The following NTAQ1 variants were observed in gnomAD, a reference collection of about 807,000 sequenced individuals.
NTAQ1 encodes N-terminal glutamine amidase 1.
NTAQ1 carries 21 observed loss-of-function variants against 28.2 expected under a neutral mutation model. The observed-to-expected ratio is 0.74, with a 90% confidence interval of 0.53 to 1.07. The LOEUF (loss-of-function observed/expected upper bound fraction) is 1.07. NTAQ1 is among the 50% of genes least tolerant of loss of function. The probability of loss-of-function intolerance (pLI) is 0.00; values close to 1 mark genes in which losing one functional copy is unlikely to be tolerated. For synonymous variants in NTAQ1, 105 were observed against 90.0 expected (o/e 1.17, Z -0.94); for missense variants, 264 against 256.6 (o/e 1.03, Z -0.20).
intron 1 of NTAQ1, among the ~76,000 whole-genome samples, chr8:123,421,922 C>T (rs977402958): frequency 1.1e-4 from 17 of 151,900 alleles, no homozygotes; most frequent in Non-Finnish European, 1.8e-4. Flanking sequence ...CCTCGTGATC[C>T]GCCTGCCTCG....
Position 123,416,898 on chromosome 8 carries a change from C to T in NTAQ1, c.49C>T (p.Pro17Ser). The change falls in exon 1 of 6, where the codon CCG becomes TCG. Residue 17 changes from proline to serine, a missense_variant. By Grantham distance (74) the Pro-to-Ser change is moderately conservative. Coordinates refer to ENST00000287387, the MANE Select transcript of NTAQ1 (RefSeq NM_018024.3). ...AAVHYQPASP[P>S]RDACVYSSCY... ...TGTCCACTACCAGCCGGCCAGCCCC[C>T]CGCGGGACGCCTGCGTCTACAGCAG... The T allele has an allele frequency of 6.6e-7, 1 of 1,526,430 alleles. No homozygotes were observed. The highest frequency in any genetic ancestry group is 8.8e-7 in the Non-Finnish European group (1 of 1,137,772). The allele number at this position is 1,526,430 out of a possible 1,614,324, so 94.6% of individuals were successfully genotyped here. A position where few individuals can be genotyped will look rare whatever the true frequency, so the allele number is the denominator to read the frequency against.
chr8:123,455,704 C>A (rs1401147168), intron 6 of NTAQ1, among the ~76,000 whole-genome samples: 1 of 152,138 alleles, frequency 6.6e-6, no homozygotes, highest in East Asian at 1.9e-4. Flanking sequence ...AGATTACAGG[C>A]ATGAGCCACC....
rs550795689 is a variant in NTAQ1, at chr8:123,432,365, C to T, written c.234+2332C>T. Among the ~76,000 whole-genome samples the T allele has an allele frequency of 5.9e-5, 9 of 152,158 alleles. No homozygotes were observed. The East Asian group carries it at 7.7e-4, about 13-fold the overall frequency. Reference sequence around the variant, plus strand: ...ATTCCTATAATAATTTCAGGTTGGGCGTGGTGGCTCACACCTGTAATCCCA... The same window carrying T: ...ATTCCTATAATAATTTCAGGTTGGGTGTGGTGGCTCACACCTGTAATCCCA... On this transcript the variant is annotated intron_variant, in intron 3 of 5. Coordinates refer to ENST00000287387, the MANE Select transcript of NTAQ1 (RefSeq NM_018024.3).
chr8:123,432,719 G>A (rs183899259), intron 3 of NTAQ1, among the ~76,000 whole-genome samples: 2,803 of 148,008 alleles, frequency 0.019, 96 homozygotes, highest in African/African-American at 0.066. Flanking sequence ...TCACTCTGTC[G>A]CCTAGGCTGG....
chr8:123,429,959 T>C (rs373015447), intron 2 of NTAQ1, 24 bp from the exon 3 acceptor site: 1 of 1,578,924 alleles, frequency 6.3e-7, no homozygotes, highest in African/African-American at 1.4e-5. Flanking sequence ...AGGTATGGCT[T>C]ACGAAATGTA....
downstream of NTAQ1, among the ~76,000 whole-genome samples, chr8:123,450,081 A>C (rs1815445514): frequency 6.7e-6 from 1 of 149,742 alleles, no homozygotes; most frequent in Non-Finnish European, 1.5e-5. Context: ...CCTCTATGAT[A>C]TCATTGAGAG....
chr8:123,465,306 A>C (rs919496163), intron 6 of NTAQ1, among the ~76,000 whole-genome samples: 2 of 152,152 alleles, frequency 1.3e-5, no homozygotes, highest in Non-Finnish European at 2.9e-5. Flanking sequence ...TTGTGTGTGC[A>C]TGTGTATAAA....
chr8:123,424,855 G>T (rs978001982), intron 1 of NTAQ1, among the ~76,000 whole-genome samples: 2 of 152,124 alleles, frequency 1.3e-5, no homozygotes, highest in Non-Finnish European at 2.9e-5. Context: ...GCCAGTTATG[G>T]ATTTGTATGT....
At chr8:123,454,815 G>A (rs764249319) in intron 6 of NTAQ1, among the ~76,000 whole-genome samples, 60 of 152,282 alleles carry the variant, frequency 3.9e-4, no homozygotes, top group Non-Finnish European at 7.4e-4. Flanking sequence ...TGGGGACCAC[G>A]GTAAGATCAG....
intron 5 of NTAQ1, chr8:123,438,266 G>A (rs1203416085): frequency 1.0e-5 from 7 of 689,400 alleles, no homozygotes; most frequent in East Asian, 8.1e-5. Context: ...TTCCCACTTA[G>A]GGGTGAGATC....
chr8:123,446,500 G>A (rs1195387130), downstream of NTAQ1, among the ~76,000 whole-genome samples: 29 of 152,160 alleles, frequency 1.9e-4, no homozygotes, highest in Admixed American at 1.8e-3. Flanking sequence ...TGCAAAACCT[G>A]GGTCTCCTTT....
chr8:123,449,943 G>A (rs1815431898), downstream of NTAQ1, among the ~76,000 whole-genome samples: 1 of 15,204 alleles, frequency 6.6e-5, no homozygotes, highest in African/African-American at 1.5e-4. Flanking sequence ...GTGTGTGTGT[G>A]TGTGTGCATA....
chr8:123,466,777 A>G (rs1331486294), intron 6 of NTAQ1, among the ~76,000 whole-genome samples: 1 of 152,170 alleles, frequency 6.6e-6, no homozygotes, highest in Non-Finnish European at 1.5e-5. Context: ...TGGTAATTCT[A>G]GTTTTAATTT....
chr8:123,449,301 A>T (rs1480636716), downstream of NTAQ1, among the ~76,000 whole-genome samples: 1 of 152,174 alleles, frequency 6.6e-6, no homozygotes, highest in Non-Finnish European at 1.5e-5. Flanking sequence ...TTTCATCAGG[A>T]TTTGAAAGAG....
At chr8:123,457,730 ATTAC>A (rs1815689189) in intron 6 of NTAQ1, among the ~76,000 whole-genome samples, 1 of 152,028 alleles carries the variant, frequency 6.6e-6, no homozygotes, top group Non-Finnish European at 1.5e-5. Flanking sequence ...CTGTGAATAT[ATTAC>A]TTATTAAGGG....
intron 5 of NTAQ1, among the ~76,000 whole-genome samples, chr8:123,437,671 C>T (rs905676979): frequency 6.7e-6 from 1 of 150,134 alleles, no homozygotes; most frequent in African/African-American, 2.5e-5. Context: ...CCACTGCATT[C>T]CAGCCTGGGT....
intron 1 of NTAQ1, among the ~76,000 whole-genome samples, chr8:123,422,282 G>GTTTT (rs35588966): frequency 0.011 from 1,531 of 145,398 alleles, 15 homozygotes; most frequent in South Asian, 0.013. Context: ...TTTGTTTTGG[G>GTTTT]TTTTTTTTTT....
intron 6 of NTAQ1, among the ~76,000 whole-genome samples, chr8:123,464,729 TGA>T (rs1815921284): frequency 6.6e-6 from 1 of 152,324 alleles, no homozygotes; most frequent in East Asian, 1.9e-4. Flanking sequence ...GGGCAAGAGA[TGA>T]GAGAGTGTTT....
downstream of NTAQ1, among the ~76,000 whole-genome samples, chr8:123,443,546 TG>T (rs1279146204): frequency 2.0e-5 from 3 of 152,208 alleles, no homozygotes; most frequent in East Asian, 5.8e-4. Flanking sequence ...TTGCCTGCTC[TG>T]TATCAGATTG....
Sources: gnomAD v4.1 joint callset for allele counts (sites outside exome capture counted in the v4.1 genomes callset) on GRCh38, gnomAD v4.1.1 for gene constraint, MANE v1.5 for transcripts, NCBI Gene and HGNC (gene_info 2026-07-23, HGNC 2026-07-21) for gene names.